The following PTPRT variants were observed in gnomAD, a reference collection of about 807,000 sequenced individuals.
PTPRT encodes protein tyrosine phosphatase receptor type T.
A neutral mutation model predicts 176.8 loss-of-function variants in PTPRT; 56 were observed. The ratio of observed to expected loss-of-function variants is 0.32; its 90% CI spans 0.26 to 0.40. PTPRT has a LOEUF of 0.40. PTPRT is among the 10% of genes least tolerant of loss of function. PTPRT has a pLI of 1.00. For synonymous variants in PTPRT, 783 were observed against 739.0 expected (o/e 1.06, Z -0.96); for missense variants, 1,540 against 1,908.2 (o/e 0.81, Z 3.60).
intron 1 of PTPRT, among the ~76,000 whole-genome samples, chr20:43,167,473 G>A (rs2014886533): frequency 6.6e-6 from 1 of 152,122 alleles, no homozygotes; most frequent in Admixed American, 6.5e-5. Context: ...GTGATTCTGT[G>A]ACAGCTATAG....
chr20:42,701,100 C>T (rs928587740), intron 6 of PTPRT, among the ~76,000 whole-genome samples: 2 of 152,044 alleles, frequency 1.3e-5, no homozygotes, highest in East Asian at 1.9e-4. Context: ...TCAGTTTAGT[C>T]GAATGAATCT....
At chr20:42,594,766 A>T (rs1183873299) in intron 7 of PTPRT, among the ~76,000 whole-genome samples, 1 of 152,096 alleles carries the variant, frequency 6.6e-6, no homozygotes, top group Non-Finnish European at 1.5e-5. Flanking sequence ...CCACTCCCAG[A>T]TTTTCAAAAA....
chr20:42,532,693 G>A lies in PTPRT; in HGVS notation c.1154-60131C>T, dbSNP rs1255634886. On this transcript the variant is annotated intron_variant, in intron 7 of 30. Transcript: ENST00000373187. ...CACCTTAAATAACTAAAGAGGCCCTGAGGAAGTGCATTTGCTTCTTTGTGT... is the reference window on the plus strand; with the variant it reads ...CACCTTAAATAACTAAAGAGGCCCTAAGGAAGTGCATTTGCTTCTTTGTGT... Among the ~76,000 whole-genome samples, 2 of 152,154 alleles carry A rather than the reference G, an allele frequency of 1.3e-5. 1 individual carries two copies. Among genetic ancestry groups the A allele is most frequent in the Non-Finnish European group, 2.9e-5 (2 of 68,026 alleles).
intron 13 of PTPRT, among the ~76,000 whole-genome samples, chr20:42,277,452 C>T (rs571625682): frequency 6.6e-6 from 1 of 152,292 alleles, no homozygotes; most frequent in South Asian, 2.1e-4. Context: ...CTGCTGGCAG[C>T]CAGAGTGGTT....
At chr20:42,385,007 T>C (rs1233213895) in intron 9 of PTPRT, among the ~76,000 whole-genome samples, 2 of 152,236 alleles carry the variant, frequency 1.3e-5, no homozygotes, top group Non-Finnish European at 2.9e-5. Context: ...GTATATGGTA[T>C]GCAAATATTT....
chr20:42,495,425 G>A lies in PTPRT; in HGVS notation c.1154-22863C>T, dbSNP rs373059030. ...GCAGAAAGGGCTGGAAAGTGGAGGA[G>A]TCTCACCTATACTTTCTCTCTTTAT... On this transcript the variant is annotated intron_variant, in intron 7 of 30. Coordinates refer to ENST00000373187, the MANE Select transcript of PTPRT (RefSeq NM_007050.6). Among the ~76,000 whole-genome samples, 30 of 152,222 alleles carry A rather than the reference G, an allele frequency of 2.0e-4. 1 individual carries two copies. The highest frequency in any genetic ancestry group is 3.4e-3 in the Middle Eastern group (1 of 294).
chr20:43,036,793 A>G (rs1216716469), intron 1 of PTPRT, among the ~76,000 whole-genome samples: 1 of 152,250 alleles, frequency 6.6e-6, no homozygotes, highest in Non-Finnish European at 1.5e-5. Context: ...TTGCAGTTAA[A>G]GCTGTATTCA....
chr20:43,135,369 T>C (rs113466613), intron 1 of PTPRT, among the ~76,000 whole-genome samples: 7 of 152,134 alleles, frequency 4.6e-5, no homozygotes, highest in Admixed American at 6.5e-5. Context: ...ATGTTCATGA[T>C]AGTATGTGGG....
intron 6 of PTPRT, among the ~76,000 whole-genome samples, chr20:42,736,908 C>T (rs1325671792): frequency 2.0e-5 from 3 of 152,222 alleles, no homozygotes; most frequent in Non-Finnish European, 4.4e-5. Flanking sequence ...TCACTTCTCA[C>T]ACCTGGGAAG....
At chr20:42,604,076 A>G (rs2073831288) in intron 7 of PTPRT, among the ~76,000 whole-genome samples, 1 of 152,226 alleles carries the variant, frequency 6.6e-6, no homozygotes, top group African/African-American at 2.4e-5. Context: ...AGTGTCGGCA[A>G]ACAGTTCTCA....
chr20:42,538,321 G>A (rs569595074), intron 7 of PTPRT, among the ~76,000 whole-genome samples: 4 of 152,166 alleles, frequency 2.6e-5, no homozygotes, highest in Admixed American at 6.5e-5. Context: ...TCTGAAATCC[G>A]AACATACTAA....
intron 1 of PTPRT, among the ~76,000 whole-genome samples, chr20:43,140,165 A>G (rs964553874): frequency 3.9e-5 from 6 of 152,172 alleles, no homozygotes; most frequent in African/African-American, 1.4e-4. Context: ...TTTACAACTG[A>G]TAAACCAGAA....
chr20:43,109,920 T>C (rs933818876), intron 1 of PTPRT, among the ~76,000 whole-genome samples: 3 of 152,038 alleles, frequency 2.0e-5, no homozygotes, highest in Non-Finnish European at 4.4e-5. Flanking sequence ...AGGAGGGAGA[T>C]GAGTCAAGAA....
At chr20:42,896,407 C>T (rs192443550) in intron 1 of PTPRT, among the ~76,000 whole-genome samples, 6 of 152,198 alleles carry the variant, frequency 3.9e-5, no homozygotes, top group Admixed American at 6.5e-5. Flanking sequence ...GAGGCCTAGG[C>T]GGGTGGATCT....
intron 1 of PTPRT, among the ~76,000 whole-genome samples, chr20:43,176,576 C>T (rs146117972): frequency 1.3e-5 from 2 of 152,162 alleles, no homozygotes; most frequent in Non-Finnish European, 2.9e-5. Context: ...ATCCACCATC[C>T]TAGTTCCATT....
intron 1 of PTPRT, among the ~76,000 whole-genome samples, chr20:43,123,262 G>A (rs1221182324): frequency 6.6e-6 from 1 of 152,218 alleles, no homozygotes; most frequent in Admixed American, 6.5e-5. Context: ...GAGTAAAACT[G>A]TTCCCTGGCC....
At chr20:42,109,892 T>C (rs1277941092) in intron 23 of PTPRT, among the ~76,000 whole-genome samples, 2 of 152,208 alleles carry the variant, frequency 1.3e-5, no homozygotes, top group African/African-American at 4.8e-5. Context: ...ATTCCTTTTG[T>C]TAGCTGACCT....
chr20:42,717,838 C>A (rs1443440298), intron 6 of PTPRT, among the ~76,000 whole-genome samples: 1 of 152,012 alleles, frequency 6.6e-6, no homozygotes, highest in Non-Finnish European at 1.5e-5. Context: ...ACCTGAATAT[C>A]CAATTCAAAC....
At chr20:42,280,657 C>T (rs2057124286) in intron 13 of PTPRT, among the ~76,000 whole-genome samples, 2 of 152,108 alleles carry the variant, frequency 1.3e-5, no homozygotes, top group Admixed American at 1.3e-4. Context: ...AGCCCTTATG[C>T]TAAGGAGAGG....
Sources: gnomAD v4.1 joint callset for allele counts (sites outside exome capture counted in the v4.1 genomes callset) on GRCh38, gnomAD v4.1.1 for gene constraint, MANE v1.5 for transcripts, NCBI Gene and HGNC (gene_info 2026-07-23, HGNC 2026-07-21) for gene names.